Variants in HDAC9 observed in about 807,000 individuals in gnomAD.
The protein encoded by HDAC9 is histone deacetylase 9.
Under a neutral mutation model 139.4 loss-of-function variants are expected in HDAC9, and 41 were observed. The observed-to-expected ratio is 0.29, with a 90% CI of 0.23 to 0.38. The LOEUF is 0.38. Ranked by LOEUF, HDAC9 falls within the 10% of genes least tolerant of loss-of-function variation. HDAC9 has a pLI of 1.00. For synonymous variants in HDAC9, 517 were observed against 476.2 expected, an observed-to-expected ratio of 1.09 and a Z score of -1.12; for missense variants, 1,147 against 1,297.0, an observed-to-expected ratio of 0.88 and a Z score of 1.78.
At chr7:18,859,715 C>T (rs1797946451) in intron 21 of HDAC9, among the ~76,000 whole-genome samples, 2 of 150,030 alleles carry the variant, frequency 1.3e-5, no homozygotes. Context: ...AGAACATTTA[C>T]TTACAGTAAT....
chr7:18,676,931 T>A (rs939767784), intron 12 of HDAC9, among the ~76,000 whole-genome samples: 2 of 151,946 alleles, frequency 1.3e-5, no homozygotes, highest in Non-Finnish European at 2.9e-5. Flanking sequence ...AAAATGATAT[T>A]TTTGCTTTTG....
intron 12 of HDAC9, among the ~76,000 whole-genome samples, chr7:18,710,942 T>C (rs1784301247): frequency 6.6e-6 from 1 of 152,230 alleles, no homozygotes. Context: ...AAGGATATCA[T>C]ACATTTCAAA....
At chr7:18,175,730 A>G (rs1025931736) in intron 2 of HDAC9, among the ~76,000 whole-genome samples, 4 of 150,572 alleles carry the variant, frequency 2.7e-5, no homozygotes, top group African/African-American at 9.8e-5. Context: ...TTTATAGGAA[A>G]TTGATAAGCT....
At chr7:18,813,278 C>G (rs766520919) in intron 17 of HDAC9, among the ~76,000 whole-genome samples, 1 of 152,020 alleles carries the variant, frequency 6.6e-6, no homozygotes. Flanking sequence ...GAGTTTAATT[C>G]TTTTAAAAGT....
chr7:18,521,630 G>A (rs1805065417), intron 2 of HDAC9, among the ~76,000 whole-genome samples: 1 of 152,036 alleles, frequency 6.6e-6, no homozygotes, highest in Non-Finnish European at 1.5e-5. Context: ...TTCGTATGCT[G>A]TTGTTTTCTC....
At chr7:18,178,064 G>A (rs79211974) in intron 2 of HDAC9, among the ~76,000 whole-genome samples, 1,482 of 48,614 alleles carry the variant, frequency 0.03, 13 homozygotes, top group Non-Finnish European at 0.044. Flanking sequence ...CTTCCCTCCC[G>A]TTCCCTCCTC....
At chr7:18,524,350 A>C (rs1375400969) in intron 2 of HDAC9, among the ~76,000 whole-genome samples, 2 of 152,156 alleles carry the variant, frequency 1.3e-5, no homozygotes, top group Non-Finnish European at 2.9e-5. Context: ...TCAGCTGTAA[A>C]TTTCAGATGT....
At chr7:18,529,225 A>G (rs2128231821) in intron 2 of HDAC9, among the ~76,000 whole-genome samples, 1 of 152,300 alleles carries the variant, frequency 6.6e-6, no homozygotes, top group South Asian at 2.1e-4. Context: ...TGTCATCCAG[A>G]TAACCTTCCA....
At chr7:18,138,293 C>T (rs1785597723) in intron 1 of HDAC9, among the ~76,000 whole-genome samples, 1 of 151,962 alleles carries the variant, frequency 6.6e-6, no homozygotes, top group Non-Finnish European at 1.5e-5. Context: ...TCTAAGGAGA[C>T]CATGAGCCCT....
At chr7:18,854,652 T>A (rs1797543299) in intron 21 of HDAC9, among the ~76,000 whole-genome samples, 1 of 151,748 alleles carries the variant, frequency 6.6e-6, no homozygotes, top group Non-Finnish European at 1.5e-5. Flanking sequence ...TAGTCTAGTA[T>A]GGGATGCTAA....
chr7:18,139,277 C>T (rs1280043715), intron 1 of HDAC9, among the ~76,000 whole-genome samples: 2 of 151,902 alleles, frequency 1.3e-5, no homozygotes, highest in African/African-American at 4.8e-5. Flanking sequence ...AGGCATGTGT[C>T]ACCACGACTG....
chr7:18,904,836 A>C (rs1403795089), intron 22 of HDAC9, among the ~76,000 whole-genome samples: 1 of 151,916 alleles, frequency 6.6e-6, no homozygotes, highest in Non-Finnish European at 1.5e-5. Context: ...CGGCCTCCCA[A>C]AGTGCTGGGA....
At chr7:18,450,924 G>C (rs1232945935) in intron 1 of HDAC9, among the ~76,000 whole-genome samples, 3 of 152,178 alleles carry the variant, frequency 2.0e-5, no homozygotes, top group Non-Finnish European at 4.4e-5. Flanking sequence ...AAGAGTAGTA[G>C]ATGTCAAATG....
chr7:18,503,560 T>C (rs1375586199), intron 2 of HDAC9, among the ~76,000 whole-genome samples: 1 of 152,232 alleles, frequency 6.6e-6, no homozygotes, highest in Non-Finnish European at 1.5e-5. Flanking sequence ...TGTTAACTTT[T>C]CCATAGTAAA....
At chr7:18,360,237 A>G (rs538227204) in intron 1 of HDAC9, among the ~76,000 whole-genome samples, 15 of 152,190 alleles carry the variant, frequency 9.9e-5, no homozygotes, top group Admixed American at 5.9e-4. Context: ...GGCAAAACTC[A>G]TATCTGCCAC....
intron 13 of HDAC9, among the ~76,000 whole-genome samples, chr7:18,736,908 C>T (rs867000606): frequency 1.3e-5 from 2 of 152,132 alleles, no homozygotes; most frequent in East Asian, 1.9e-4. Context: ...GCCTCAATTT[C>T]GGAGCCTGTT....
At chr7:18,387,922 G>C (rs1277494267) in intron 1 of HDAC9, among the ~76,000 whole-genome samples, 1 of 149,682 alleles carries the variant, frequency 6.7e-6, no homozygotes, top group African/African-American at 2.5e-5. Context: ...AGGTTACAGA[G>C]GACAAAATAA....
In HDAC9 at chr7:18,991,695, T is replaced by G. The variant is rs75761203; in HGVS notation, c.3171-4328T>G. ...GATAAACAGACTTACTTATGACACA[T>G]ACTTATGAAAGTCATTTGATTCTCT... is the stretch of plus-strand genomic sequence containing the variant. On this transcript the variant is annotated intron_variant, in intron 25 of 25. Transcript: ENST00000686413. Among the ~76,000 whole-genome samples the G allele has an allele frequency of 3.1e-3, 472 of 152,174 alleles. 3 individuals are homozygous for G. The highest frequency in any genetic ancestry group is 0.011 in the African/African-American group (440 of 41,532).
At chr7:18,287,532 T>C (rs1797531295), upstream of HDAC9, among the ~76,000 whole-genome samples, 1 of 152,198 alleles carries the variant, frequency 6.6e-6, no homozygotes, top group African/African-American at 2.4e-5. Context: ...AGGTTTCACA[T>C]AAAAATCCAG....
Sources: allele counts gnomAD v4.1 joint callset (sites outside exome capture counted in the v4.1 genomes callset), GRCh38; gene constraint gnomAD v4.1.1; transcripts MANE v1.5; gene names NCBI Gene and HGNC (gene_info 2026-07-23, HGNC 2026-07-21).